ATXN7: variants seen among roughly 807,000 people sequenced by gnomAD.
The protein encoded by ATXN7 is ataxin 7.
Under a neutral mutation model 70.5 loss-of-function variants are expected in ATXN7, and 12 were observed. That is an observed-to-expected ratio of 0.17 (90% CI 0.11 to 0.28). The LOEUF is 0.28. Among genes scored for constraint, ATXN7 ranks in the 10% least tolerant of loss-of-function variants. The pLI is 1.00. For synonymous variants in ATXN7, 498 were observed against 448.7 expected (o/e 1.11, Z -1.39); for missense variants, 1,256 against 1,131.7 (o/e 1.11, Z -1.58).
intron 2 of ATXN7, chr3:63,902,037 G>T (rs750615583): frequency 6.6e-6 from 1 of 152,110 alleles, no homozygotes; most frequent in Non-Finnish European, 1.5e-5. Context: ...TTGGAGTGAT[G>T]AAAATGTTCT....
chr3:63,982,890 T>C, intron 7 of ATXN7, 49 bp from the exon 8 acceptor site: 15 of 1,400,778 alleles, frequency 1.1e-5, no homozygotes, highest in Middle Eastern at 1.8e-4. Flanking sequence ...AAAAAATACA[T>C]GGAGGAGAGT....
chr3:63,880,640 T>TG (rs1702881250), intron 1 of ATXN7, among the ~76,000 whole-genome samples: 1 of 152,200 alleles, frequency 6.6e-6, no homozygotes, highest in African/African-American at 2.4e-5. Context: ...TTCATTTGTC[T>TG]GGGGTGCTTG....
At chr3:63,998,728 A>G (rs2075799742) in intron 12 of ATXN7, 1 of 970,376 alleles carries the variant, frequency 1.0e-6, no homozygotes, top group Non-Finnish European at 1.2e-6. Flanking sequence ...TTGTTCATTT[A>G]TCGTATAGCT....
At chr3:63,930,508 C>A (rs1704908245) in intron 4 of ATXN7, among the ~76,000 whole-genome samples, 2 of 151,138 alleles carry the variant, frequency 1.3e-5, no homozygotes, top group African/African-American at 4.9e-5. Flanking sequence ...GCCACTTGAT[C>A]TTTTTCAAAT....
chr3:63,902,541 T>G (rs1399756126), intron 2 of ATXN7, among the ~76,000 whole-genome samples: 1 of 152,180 alleles, frequency 6.6e-6, no homozygotes, highest in Non-Finnish European at 1.5e-5. Flanking sequence ...GAGAAGGTGG[T>G]TTAGCTAGAG....
At chr3:63,900,076 C>T (rs832196) in intron 2 of ATXN7, among the ~76,000 whole-genome samples, 148,313 of 152,234 alleles carry the variant, frequency 0.97, 72,344 homozygotes, top group East Asian at 1. Context: ...AGCAAGACCC[C>T]ATGTTAAAAA....
intron 10 of ATXN7, 127 bp downstream of exon 10, chr3:63,990,501 C>A: frequency 7.7e-7 from 1 of 1,291,064 alleles, no homozygotes; most frequent in Non-Finnish European, 1.1e-6. Flanking sequence ...GAGAGAAGTT[C>A]AAAACAGGGT....
chr3:63,911,802 C>T (rs780062544), intron 2 of ATXN7: 3 of 152,260 alleles, frequency 2.0e-5, no homozygotes, highest in Non-Finnish European at 4.4e-5. Context: ...AGGCACTTCC[C>T]CGCTAGCCCA....
At chr3:63,940,579 C>T (rs2074741318) in intron 4 of ATXN7, among the ~76,000 whole-genome samples, 1 of 152,082 alleles carries the variant, frequency 6.6e-6, no homozygotes, top group Non-Finnish European at 1.5e-5. Context: ...ACAAAATAAA[C>T]ACTGTTCTTT....
intron 4 of ATXN7, among the ~76,000 whole-genome samples, chr3:63,939,350 C>A (rs925244491): frequency 1.3e-5 from 2 of 152,158 alleles, no homozygotes; most frequent in East Asian, 3.9e-4. Context: ...ACTGCCATCC[C>A]CATGTCTTTC....
At chr3:63,914,397 G>C (rs1394869860) in intron 4 of ATXN7, among the ~76,000 whole-genome samples, 1 of 152,188 alleles carries the variant, frequency 6.6e-6, no homozygotes, top group Non-Finnish European at 1.5e-5. Context: ...ACAGATTATA[G>C]AACAAATTAG....
chr3:63,899,643 T>C (rs1223747782), intron 2 of ATXN7, among the ~76,000 whole-genome samples: 1 of 151,976 alleles, frequency 6.6e-6, no homozygotes, highest in African/African-American at 2.4e-5. Flanking sequence ...AGACCTTTTC[T>C]TGCTCTGTCG....
chr3:63,896,037 G>A (rs1559623263), intron 1 of ATXN7, among the ~76,000 whole-genome samples: 3 of 151,974 alleles, frequency 2.0e-5, no homozygotes, highest in Non-Finnish European at 4.4e-5. Context: ...AGTTTGTGTC[G>A]TGTGTCCAGC....
chr3:63,992,106 G>C (rs1279287081), intron 11 of ATXN7, among the ~76,000 whole-genome samples: 2 of 152,112 alleles, frequency 1.3e-5, no homozygotes, highest in African/African-American at 4.8e-5. Context: ...CTCCTTAAAT[G>C]GACTCTGCCA....
At chr3:63,974,083 C>T (rs2075356051) in intron 5 of ATXN7, among the ~76,000 whole-genome samples, 2 of 152,074 alleles carry the variant, frequency 1.3e-5, no homozygotes, top group Non-Finnish European at 2.9e-5. Flanking sequence ...GGGGTTTCGT[C>T]GGAGACCCTC....
Position 63,988,113 on chromosome 3 carries a change from G to A in ATXN7, c.1150G>A (p.Val384Met), listed in dbSNP as rs753083444. 1 of 1,614,054 alleles carries A rather than the reference G, an allele frequency of 6.2e-7. No homozygotes were observed. The highest frequency in any genetic ancestry group is 1.3e-5 in the African/African-American group (1 of 74,990). The change falls in exon 9 of 13, where the codon GTG becomes ATG. Residue 384 changes from valine (V) to methionine (M), a missense_variant. Coordinates refer to ENST00000674280, the MANE Select transcript of ATXN7 (RefSeq NM_001377405.1). ...AVQGRRKRFD[V>M]LLAEHKNKTR... ...CCAGGGTAGAAGAAAACGATTTGAT[G>A]TGTTATTAGCCGAGCACAAAAACAA...
At chr3:63,986,881 G>A (rs868026402) in intron 8 of ATXN7, among the ~76,000 whole-genome samples, 2 of 152,022 alleles carry the variant, frequency 1.3e-5, no homozygotes, top group Non-Finnish European at 2.9e-5. Flanking sequence ...TATGTGTAGG[G>A]GCATGCACAC....
In ATXN7 at chr3:63,912,644, G is replaced by C; in HGVS notation, c.46G>C (p.Ala16Pro). 3.0e-6 allele frequency: 3 copies of C among 989,118 alleles called. No individual in the cohort carries two copies. The highest frequency in any genetic ancestry group is 4.4e-5 in the South Asian group (1 of 22,714). 61.3% of individuals were successfully genotyped at this position (989,118 alleles called of 1,614,324 possible). A position where few individuals can be genotyped will look rare whatever the true frequency, so the allele number is the denominator to read the frequency against. The part of the protein sequence containing the change: ...ADDVRGEPRR[A>P]AAAAGGAAAA... Reference sequence around the variant, plus strand: ...TGACGTCAGGGGGGAGCCGCGCCGCGCGGCGGCGGCGGCGGGCGGAGCAGC... The same window carrying C: ...TGACGTCAGGGGGGAGCCGCGCCGCCCGGCGGCGGCGGCGGGCGGAGCAGC... The change falls in exon 3 of 13, where the codon GCG (alanine) becomes CCG (proline). Residue 16 changes from alanine (A) to proline (P), a missense_variant. Ala to Pro is a conservative substitution (Grantham distance 27). Coordinates refer to ENST00000674280, the MANE Select transcript of ATXN7 (RefSeq NM_001377405.1).
intron 4 of ATXN7, among the ~76,000 whole-genome samples, chr3:63,942,477 T>A (rs1331684933): frequency 1.3e-5 from 2 of 152,208 alleles, no homozygotes; most frequent in African/African-American, 4.8e-5. Context: ...CAGGGTTTTT[T>A]TTCTTTTGTG....
Sources: allele counts gnomAD v4.1 joint callset (sites outside exome capture counted in the v4.1 genomes callset), GRCh38; gene constraint gnomAD v4.1.1; transcripts MANE v1.5; gene names NCBI Gene and HGNC (gene_info 2026-07-23, HGNC 2026-07-21).